Variants in SRRM4 observed in about 807,000 individuals in gnomAD.
The protein encoded by SRRM4 is serine/arginine repetitive matrix protein 4.
In SRRM4, 33 loss-of-function variants were observed where a neutral mutation model predicts 68.9. The observed-to-expected ratio is 0.48, with a 90% confidence interval of 0.36 to 0.64. The LOEUF is 0.64. Among genes scored for constraint, SRRM4 ranks in the 30% least tolerant of loss-of-function variants. SRRM4 has a pLI of 0.00. For missense variants in SRRM4, 817 were observed against 827.1 expected (o/e 0.99, Z 0.15); for synonymous variants, 318 against 318.8 (o/e 1.00, Z 0.03).
intron 1 of SRRM4, among the ~76,000 whole-genome samples, chr12:119,070,907 C>T (rs1294851678): frequency 6.6e-6 from 1 of 152,118 alleles, no homozygotes; most frequent in Non-Finnish European, 1.5e-5. Flanking sequence ...GCCAGATCTG[C>T]CCCGTCTTTA....
intron 8 of SRRM4, among the ~76,000 whole-genome samples, chr12:119,136,447 G>A (rs73410060): frequency 0.043 from 6,486 of 152,130 alleles, 461 homozygotes; most frequent in African/African-American, 0.15. Context: ...GAGATTTGGG[G>A]ATTTTCTGGG....
At chr12:119,019,879 C>T (rs1447724216) in intron 1 of SRRM4, among the ~76,000 whole-genome samples, 1 of 151,572 alleles carries the variant, frequency 6.6e-6, no homozygotes, top group Non-Finnish European at 1.5e-5. Flanking sequence ...TCATAAACTA[C>T]TGGCTTTGAA....
chr12:118,999,329 C>T (rs561199752), intron 1 of SRRM4, among the ~76,000 whole-genome samples: 51 of 152,226 alleles, frequency 3.4e-4, no homozygotes, highest in Middle Eastern at 3.4e-3. Context: ...AACTCAGAGT[C>T]GGGACAACGC....
At chr12:119,040,620 A>G (rs181988385) in intron 1 of SRRM4, among the ~76,000 whole-genome samples, 119 of 152,166 alleles carry the variant, frequency 7.8e-4, no homozygotes, top group African/African-American at 2.8e-3. Flanking sequence ...TGGTTCTATG[A>G]TTTTGCAATT....
intron 1 of SRRM4, among the ~76,000 whole-genome samples, chr12:119,031,655 C>G (rs551482097): frequency 6.6e-6 from 1 of 152,232 alleles, no homozygotes; most frequent in South Asian, 2.1e-4. Flanking sequence ...ATGAAAAAAC[C>G]TAGCTGCCTA....
chr12:119,130,562 C>T (rs1202824892), intron 7 of SRRM4, 116 bp from the exon 8 acceptor site: 1 of 982,746 alleles, frequency 1.0e-6, no homozygotes, highest in Non-Finnish European at 1.5e-6. Context: ...CACATATGAA[C>T]ATATACAAAC....
At chr12:119,002,328 A>C (rs75047990) in intron 1 of SRRM4, among the ~76,000 whole-genome samples, 4,829 of 152,156 alleles carry the variant, frequency 0.032, 102 homozygotes, top group Middle Eastern at 0.085. Flanking sequence ...ATTCATTTGC[A>C]CATTGAGTTA....
chr12:119,136,716 T>C (rs548052016), intron 8 of SRRM4, among the ~76,000 whole-genome samples: 1 of 152,268 alleles, frequency 6.6e-6, no homozygotes, highest in Admixed American at 6.5e-5. Context: ...GGGCTGGTGA[T>C]AATGTATCTA....
At chr12:119,078,899 C>A (rs192736913) in intron 1 of SRRM4, among the ~76,000 whole-genome samples, 1 of 152,302 alleles carries the variant, frequency 6.6e-6, no homozygotes, top group East Asian at 1.9e-4. Context: ...CACTGCACTC[C>A]AGCCAGGGCA....
intron 1 of SRRM4, among the ~76,000 whole-genome samples, chr12:119,057,439 T>C (rs1196100356): frequency 1.3e-5 from 2 of 152,192 alleles, no homozygotes; most frequent in South Asian, 2.1e-4. Context: ...AGTGAGAACA[T>C]GCGGTGTTTG....
chr12:119,117,180 G>A (rs904684619), intron 4 of SRRM4, among the ~76,000 whole-genome samples, 172 bp downstream of exon 4: 1 of 152,168 alleles, frequency 6.6e-6, no homozygotes, highest in African/African-American at 2.4e-5. Flanking sequence ...GCGAAGACTA[G>A]AGGTCCACAC....
intron 1 of SRRM4, among the ~76,000 whole-genome samples, chr12:119,098,866 A>G (rs1444646858): frequency 2.6e-5 from 4 of 152,140 alleles, no homozygotes; most frequent in Non-Finnish European, 5.9e-5. Context: ...ATCAGACCAC[A>G]TCTTATCCCC....
At chr12:119,111,002 C>A (rs73213738) in intron 2 of SRRM4, among the ~76,000 whole-genome samples, 11,737 of 152,252 alleles carry the variant, frequency 0.077, 505 homozygotes, top group Admixed American at 0.1. Flanking sequence ...TACTGTGTAC[C>A]TAACTGCTGA....
intron 2 of SRRM4, among the ~76,000 whole-genome samples, chr12:119,110,907 G>A (rs1177867827): frequency 2.0e-5 from 3 of 152,168 alleles, no homozygotes; most frequent in Non-Finnish European, 2.9e-5. Context: ...CATCACTCAC[G>A]CTGGGAGCTG....
chr12:119,074,494 A>C (rs989933281), intron 1 of SRRM4, among the ~76,000 whole-genome samples: 1 of 152,202 alleles, frequency 6.6e-6, no homozygotes, highest in East Asian at 1.9e-4. Flanking sequence ...ATGCAAAGAC[A>C]AGTATATGAC....
chr12:119,043,998 C>T (rs1157870063), intron 1 of SRRM4, among the ~76,000 whole-genome samples: 1 of 152,338 alleles, frequency 6.6e-6, no homozygotes, highest in African/African-American at 2.4e-5. Flanking sequence ...TCCCAAGTAG[C>T]TGGGATTACA....
At chr12:119,068,581 G>A (rs1053879068) in intron 1 of SRRM4, among the ~76,000 whole-genome samples, 4 of 152,258 alleles carry the variant, frequency 2.6e-5, no homozygotes, top group African/African-American at 4.8e-5. Context: ...TTGAAGAGCC[G>A]CTGTTTCCAT....
chr12:119,108,064 C>T (rs935835802), intron 2 of SRRM4, among the ~76,000 whole-genome samples: 5 of 152,120 alleles, frequency 3.3e-5, no homozygotes, highest in African/African-American at 9.7e-5. Context: ...GCCTTCATTT[C>T]GTTATGTACC....
chr12:119,135,368 G>A (rs1351377406), intron 8 of SRRM4, among the ~76,000 whole-genome samples: 1 of 152,180 alleles, frequency 6.6e-6, no homozygotes, highest in Admixed American at 6.5e-5. Context: ...CCTCCAGCCT[G>A]GGCCAATAGT....
Sources: allele counts gnomAD v4.1 joint callset (sites outside exome capture counted in the v4.1 genomes callset), GRCh38; gene constraint gnomAD v4.1.1; transcripts MANE v1.5; gene names NCBI Gene and HGNC (gene_info 2026-07-23, HGNC 2026-07-21).